Variants in SLC22A9 observed in about 807,000 individuals in gnomAD.
SLC22A9 encodes the protein organic anion transporter 7.
A neutral mutation model predicts 50.1 loss-of-function variants in SLC22A9; 64 were observed. The ratio of observed to expected loss-of-function variants is 1.28; its 90% CI spans 1.04 to 1.57. The LOEUF (loss-of-function observed/expected upper bound fraction) is 1.57, where lower values mean the gene tolerates loss of function less well. Among genes scored for constraint, SLC22A9 ranks in the 40% most tolerant of loss-of-function variants. The pLI, the probability that SLC22A9 is intolerant of heterozygous loss-of-function variation, is 0.00. For synonymous variants in SLC22A9, 261 were observed against 242.5 expected (o/e 1.08, Z -0.71); for missense variants, 757 against 676.1 (o/e 1.12, Z -1.33).
chr11:63,405,123 C>CAATAATAAT (rs753994353), intron 6 of SLC22A9, among the ~76,000 whole-genome samples: 30 of 151,184 alleles, frequency 2.0e-4, no homozygotes, highest in African/African-American at 7.3e-4. Flanking sequence ...GAAATAATAA[C>CAATAATAAT]AATAATAATA....
At chr11:63,409,418 A>T (rs2015098931) in intron 9 of SLC22A9, among the ~76,000 whole-genome samples, 1 of 145,146 alleles carries the variant, frequency 6.9e-6, no homozygotes, top group African/African-American at 2.7e-5. Flanking sequence ...ATACACTAAC[A>T]CTAATAATAT....
rs374832671 is a variant in SLC22A9, at chr11:63,371,095, G to A, written c.403-40G>A. Reference sequence around the variant, plus strand: ...GAAGTTTTGATCAAGTTACACTGAGGGGTAATAAGCATTGATGTGCTGGCT... The same window carrying A: ...GAAGTTTTGATCAAGTTACACTGAGAGGTAATAAGCATTGATGTGCTGGCT... On this transcript the variant is annotated intron_variant, in intron 1 of 9. Coordinates refer to ENST00000279178, the MANE Select transcript of SLC22A9 (RefSeq NM_080866.3). The A allele has an allele frequency of 2.8e-6, 4 of 1,433,994 alleles. No individual in the cohort carries two copies. In the African/African-American group the frequency reaches 4.2e-5, roughly 15 times the overall value. 88.8% of individuals were successfully genotyped at this position (1,433,994 alleles called of 1,614,324 possible). A position where few individuals can be genotyped will look rare whatever the true frequency, so the allele number is the denominator to read the frequency against.
chr11:63,382,120 T>G, intron 5 of SLC22A9, 39 bp from the exon 6 acceptor site: 1 of 1,535,312 alleles, frequency 6.5e-7, no homozygotes, highest in Non-Finnish European at 8.9e-7. Flanking sequence ...TACTCTTTTC[T>G]GACAACTGTA....
chr11:63,370,445 C>G lies in SLC22A9; in HGVS notation c.389C>G (p.Thr130Ser). The change falls in exon 1 of 10, where the codon ACC (threonine) becomes AGC (serine). Residue 130 changes from threonine to serine, a missense_variant. Thr to Ser is a moderately conservative substitution (Grantham distance 58). Coordinates refer to ENST00000279178, the MANE Select transcript of SLC22A9 (RefSeq NM_080866.3). Reference sequence around the variant, plus strand: ...TATGACAGAATCTCCTTCTCATCCACCATCGTGACTGAGGTAAGAGGCTCT... The same window carrying G: ...TATGACAGAATCTCCTTCTCATCCAGCATCGTGACTGAGGTAAGAGGCTCT... The part of the protein sequence containing the change: ...WVYDRISFSS[T>S]IVTEWDLVCD... 6.3e-7 allele frequency: 1 copy of G among 1,588,594 alleles called. No individual in the cohort carries two copies.
At chr11:63,393,919 C>T (rs1158756892) in intron 6 of SLC22A9, among the ~76,000 whole-genome samples, 1 of 152,182 alleles carries the variant, frequency 6.6e-6, no homozygotes, top group African/African-American at 2.4e-5. Flanking sequence ...TCCTCCCCAT[C>T]ACTTTCAGGT....
chr11:63,407,916 T>C (rs1035389256), intron 7 of SLC22A9, among the ~76,000 whole-genome samples, 196 bp from the exon 8 acceptor site: 35 of 152,288 alleles, frequency 2.3e-4, no homozygotes, highest in African/African-American at 7.0e-4. Flanking sequence ...TTTTATGCAT[T>C]ATTTAAGCCA....
chr11:63,400,703 C>T (rs2014938148), intron 6 of SLC22A9, among the ~76,000 whole-genome samples: 3 of 151,968 alleles, frequency 2.0e-5, no homozygotes, highest in Admixed American at 1.3e-4. Flanking sequence ...CAGAAACGAA[C>T]ACACACAAAA....
At chr11:63,385,111 T>TTTTTTTTGTTGTTG (rs1565184481) in intron 6 of SLC22A9, among the ~76,000 whole-genome samples, 9 of 137,494 alleles carry the variant, frequency 6.5e-5, no homozygotes, top group African/African-American at 2.4e-4. Context: ...ATACAGTTTT[T>TTTTTTTTGTTGTTG]TTTTTTTTTT....
At chr11:63,386,229 C>G (rs1313407562) in intron 6 of SLC22A9, among the ~76,000 whole-genome samples, 1 of 152,024 alleles carries the variant, frequency 6.6e-6, no homozygotes, top group African/African-American at 2.4e-5. Flanking sequence ...CAATGTTCAT[C>G]AAGGATATAG....
chr11:63,374,053 T>C lies in SLC22A9; in HGVS notation c.821T>C (p.Leu274Pro), dbSNP rs1208238839. 6.2e-7 allele frequency: 1 copy of C among 1,609,318 alleles called. No individual in the cohort carries two copies. The highest frequency in any genetic ancestry group is 1.1e-5 in the South Asian group (1 of 90,024). The change falls in exon 4 of 10, where the codon CTG (leucine) becomes CCG (proline). Residue 274 changes from leucine to proline, a missense_variant. Physicochemically the swap from Leu to Pro is moderately conservative, Grantham distance 98. Coordinates refer to ENST00000279178, the MANE Select transcript of SLC22A9 (RefSeq NM_080866.3). ...TCTGTACCATACTTTGTGATCTTTC[T>C]GACCTCAAGGTATGAGTTTGTTTCT... ...VVSVPYFVIF[L>P]TSSWLLESAR...
intron 6 of SLC22A9, among the ~76,000 whole-genome samples, chr11:63,393,101 G>A (rs2014792770): frequency 6.6e-6 from 1 of 152,116 alleles, no homozygotes; most frequent in African/African-American, 2.4e-5. Context: ...TCACAATACT[G>A]ATTCTACCCA....
Position 63,375,761 on chromosome 11 carries a change from C to T in SLC22A9, c.947C>T (p.Thr316Ile). Reference protein sequence around the residue: ...SGMKNARDTLTLEILKSTMKK... With the variant: ...SGMKNARDTLILEILKSTMKK... ...ATGAAGAATGCCAGAGACACCCTAA[C>T]CCTGGAGGTGAGCTGGATGGGAGCT... is the stretch of plus-strand genomic sequence containing the variant. The change falls in exon 5 of 10, where the codon ACC becomes ATC. Residue 316 changes from threonine to isoleucine, a missense_variant. Coordinates refer to ENST00000279178, the MANE Select transcript of SLC22A9 (RefSeq NM_080866.3). 6.2e-7 allele frequency: 1 copy of T among 1,611,682 alleles called. No homozygotes were observed. The highest frequency in any genetic ancestry group is 1.7e-5 in the Admixed American group (1 of 59,872).
chr11:63,375,562 G>A, intron 4 of SLC22A9, 83 bp from the exon 5 acceptor site: 5 of 1,542,500 alleles, frequency 3.2e-6, no homozygotes, highest in Non-Finnish European at 3.5e-6. Flanking sequence ...TTAGCTTGGA[G>A]GGAGAAGACA....
At chr11:63,375,819 A>T in intron 5 of SLC22A9, 51 bp downstream of exon 5, 1 of 1,596,874 alleles carries the variant, frequency 6.3e-7, no homozygotes, top group Non-Finnish European at 8.5e-7. Flanking sequence ...ATAACTTGTC[A>T]TCAATACTTA....
intron 9 of SLC22A9, among the ~76,000 whole-genome samples, chr11:63,409,573 G>T (rs547894670): frequency 6.6e-6 from 1 of 152,092 alleles, no homozygotes; most frequent in Non-Finnish European, 1.5e-5. Flanking sequence ...GCACCAAGGC[G>T]TCCAAGGATG....
At chr11:63,371,043 T>C (rs2014349043) in intron 1 of SLC22A9, 92 bp from the exon 2 acceptor site, 1 of 883,908 alleles carries the variant, frequency 1.1e-6, no homozygotes, top group African/African-American at 1.7e-5. Flanking sequence ...AGAGACTTAA[T>C]ATTAGGAAAC....
intron 6 of SLC22A9, among the ~76,000 whole-genome samples, chr11:63,401,888 G>T (rs941765084): frequency 2.0e-5 from 3 of 151,954 alleles, no homozygotes; most frequent in African/African-American, 7.2e-5. Context: ...TATGCTTGTT[G>T]GCCATGTGTA....
intron 4 of SLC22A9, among the ~76,000 whole-genome samples, chr11:63,375,056 T>C (rs56103504): frequency 0.055 from 8,327 of 152,194 alleles, 361 homozygotes; most frequent in Non-Finnish European, 0.078. Context: ...AGAGTTCAGA[T>C]AGAAAAGTAA....
chr11:63,391,289 T>C (rs2014759829), intron 6 of SLC22A9, among the ~76,000 whole-genome samples: 1 of 152,150 alleles, frequency 6.6e-6, no homozygotes, highest in Non-Finnish European at 1.5e-5. Context: ...AAGTGCATAT[T>C]CTTCAGCCAT....
Sources: allele counts gnomAD v4.1 joint callset (sites outside exome capture counted in the v4.1 genomes callset), GRCh38; gene constraint gnomAD v4.1.1; transcripts MANE v1.5; gene names NCBI Gene and HGNC (gene_info 2026-07-23, HGNC 2026-07-21).